The following NETO2 variants were observed in gnomAD, a reference collection of about 807,000 sequenced individuals.
NETO2 encodes neuropilin and tolloid like 2.
A neutral mutation model predicts 62.5 loss-of-function variants in NETO2; 28 were observed. The observed-to-expected ratio is 0.45, with a 90% CI of 0.33 to 0.61. The LOEUF is 0.61. NETO2 is among the 20% of genes least tolerant of loss of function. The pLI is 0.02. For synonymous variants in NETO2, 214 were observed against 219.1 expected (o/e 0.98, Z 0.21); for missense variants, 548 against 643.2 (o/e 0.85, Z 1.60).
At position 47,083,286 on chromosome 16, in the gene NETO2, G is replaced by T; in HGVS notation, c.1513C>A (p.Pro505Thr). 6.2e-7 allele frequency: 1 copy of T among 1,614,138 alleles called. No homozygotes were observed. Among genetic ancestry groups the T allele is most frequent in the Non-Finnish European group, 8.5e-7 (1 of 1,179,996 alleles). The change falls in exon 9 of 9, where the codon CCC becomes ACC. Residue 505 changes from proline (P) to threonine (T), a missense_variant. Transcript: ENST00000562435. ...CGCCCCCTGACATAAATTTCACAGGGAATCTCCTCCATTACTCGGTCTTCC... is the reference window on the plus strand; with the variant it reads ...CGCCCCCTGACATAAATTTCACAGGTAATCTCCTCCATTACTCGGTCTTCC... ...ALEDRVMEEI[P>T]CEIYVRGRED...
chr16:47,085,310 G>T (rs1339179492), intron 8 of NETO2, among the ~76,000 whole-genome samples: 1 of 151,878 alleles, frequency 6.6e-6, no homozygotes, highest in East Asian at 1.9e-4. Context: ...ATTAAATAAG[G>T]TATGTTTACA....
At chr16:47,092,186 A>C (rs893736870) in intron 7 of NETO2, among the ~76,000 whole-genome samples, 7 of 152,158 alleles carry the variant, frequency 4.6e-5, no homozygotes, top group African/African-American at 1.7e-4. Flanking sequence ...AGGCATACTC[A>C]GAATGCCCCT....
intron 7 of NETO2, among the ~76,000 whole-genome samples, chr16:47,095,798 C>T (rs1231989502): frequency 1.3e-5 from 2 of 152,158 alleles, no homozygotes; most frequent in African/African-American, 2.4e-5. Context: ...CTGAACACCA[C>T]TATAGACCAA....
Position 47,129,214 on chromosome 16 carries a change from G to T in NETO2, c.232+10C>A. The T allele has an allele frequency of 1.2e-6, 2 of 1,612,624 alleles. No homozygotes were observed. The highest frequency in any genetic ancestry group is 1.7e-6 in the Non-Finnish European group (2 of 1,179,068). ...AAAAATTCATCCAATAAAAGAAATCGTTCAAATACCTTCCAAAATGTAGAT... is the reference window on the plus strand; with the variant it reads ...AAAAATTCATCCAATAAAAGAAATCTTTCAAATACCTTCCAAAATGTAGAT... On this transcript the variant is annotated intron_variant, in intron 3 of 8. Coordinates refer to ENST00000562435, the MANE Select transcript of NETO2 (RefSeq NM_018092.5).
At chr16:47,119,368 G>T (rs1213834257) in intron 6 of NETO2, among the ~76,000 whole-genome samples, 1 of 151,832 alleles carries the variant, frequency 6.6e-6, no homozygotes, top group African/African-American at 2.4e-5. Flanking sequence ...AGCCAGGATG[G>T]TCTTGATTTC....
intron 6 of NETO2, among the ~76,000 whole-genome samples, chr16:47,118,986 G>C (rs185512974): frequency 2.2e-4 from 33 of 151,926 alleles, no homozygotes; most frequent in Non-Finnish European, 3.7e-4. Flanking sequence ...ATAGGTTCTT[G>C]TTTTTTCTTT....
At chr16:47,128,896 TGAAAA>T (rs1964210056) in intron 3 of NETO2, among the ~76,000 whole-genome samples, 1 of 152,038 alleles carries the variant, frequency 6.6e-6, no homozygotes, top group African/African-American at 2.4e-5. Context: ...ACAGAAGAAA[TGAAAA>T]GAACTCACTT....
At chr16:47,120,747 T>A (rs1191400018) in intron 6 of NETO2, among the ~76,000 whole-genome samples, 1 of 152,218 alleles carries the variant, frequency 6.6e-6, no homozygotes, top group Non-Finnish European at 1.5e-5. Context: ...CTGGTGTCAA[T>A]CTTAATAGCA....
chr16:47,134,744 G>A (rs1316808165), intron 1 of NETO2, among the ~76,000 whole-genome samples: 1 of 152,128 alleles, frequency 6.6e-6, no homozygotes, highest in Non-Finnish European at 1.5e-5. Flanking sequence ...AGACAGCAAC[G>A]GCAACTATGG....
At position 47,090,116 on chromosome 16, in the gene NETO2, C is replaced by A. The variant is rs374591598; in HGVS notation, c.884-3777G>T. ...ATCTACAGAACATCATGTGACCCCC[C>A]CCTTTGATGGCTCTTTATAACTTCA... On this transcript the variant is annotated intron_variant, in intron 7 of 8. Transcript: ENST00000562435. Among the ~76,000 whole-genome samples the A allele has an allele frequency of 1.7e-3, 256 of 152,254 alleles. 1 individual carries two copies. Among genetic ancestry groups the A allele is most frequent in the Non-Finnish European group, 2.5e-3 (168 of 68,008 alleles).
chr16:47,083,476 C>A lies in NETO2; in HGVS notation c.1323G>T (p.Gly441=). ...ASRCIHDHHC[G]SQASSVKQSR... is the part of the protein sequence containing the mutation. ...TTTGTTTGACGCTGGAGGCCTGCGACCCACAGTGGTGGTCGTGGATGCAGC... is the reference window on the plus strand; with the variant it reads ...TTTGTTTGACGCTGGAGGCCTGCGAACCACAGTGGTGGTCGTGGATGCAGC... Residue 441 remains glycine, a synonymous_variant, in exon 9 of 9, where the codon GGG becomes GGT. Coordinates refer to ENST00000562435, the MANE Select transcript of NETO2 (RefSeq NM_018092.5). The A allele has an allele frequency of 6.2e-7, 1 of 1,614,218 alleles. No individual in the cohort carries two copies. The highest frequency in any genetic ancestry group is 8.5e-7 in the Non-Finnish European group (1 of 1,180,026).
intron 3 of NETO2, 105 bp from the exon 4 acceptor site, chr16:47,128,678 T>C (rs573025396): frequency 1.2e-4 from 147 of 1,224,610 alleles, no homozygotes; most frequent in Middle Eastern, 2.8e-4. Context: ...AACTGCTTCA[T>C]AGACAAAGGT....
chr16:47,096,500 GT>G (rs1963430205), intron 7 of NETO2, among the ~76,000 whole-genome samples: 1 of 152,098 alleles, frequency 6.6e-6, no homozygotes, highest in Non-Finnish European at 1.5e-5. Context: ...AGAATCATAA[GT>G]GAATACTAAG....
chr16:47,136,468 C>T (rs1964363214), intron 1 of NETO2, among the ~76,000 whole-genome samples: 1 of 152,158 alleles, frequency 6.6e-6, no homozygotes, highest in African/African-American at 2.4e-5. Flanking sequence ...AGTGCAGTGG[C>T]GTGATTTTGG....
intron 6 of NETO2, among the ~76,000 whole-genome samples, chr16:47,110,113 TA>T (rs1163230082): frequency 1.3e-5 from 2 of 152,198 alleles, no homozygotes; most frequent in African/African-American, 4.8e-5. Flanking sequence ...TTCTGCACAT[TA>T]AAAAAACCTG....
intron 7 of NETO2, among the ~76,000 whole-genome samples, chr16:47,088,176 C>T (rs935475893): frequency 1.3e-5 from 2 of 152,240 alleles, no homozygotes; most frequent in South Asian, 2.1e-4. Flanking sequence ...ATGATCGCAG[C>T]TCACTGCAAC....
chr16:47,138,327 G>A (rs1402950891), intron 1 of NETO2, among the ~76,000 whole-genome samples: 2 of 152,192 alleles, frequency 1.3e-5, no homozygotes, highest in Non-Finnish European at 2.9e-5. Flanking sequence ...TTGAACCTGG[G>A]AGGCAGAGGT....
At chr16:47,124,575 T>C (rs966831734) in intron 4 of NETO2, among the ~76,000 whole-genome samples, 1 of 152,214 alleles carries the variant, frequency 6.6e-6, no homozygotes, top group Non-Finnish European at 1.5e-5. Flanking sequence ...GCCTATTTAT[T>C]TTGACATGTG....
rs1037674903 is a variant in NETO2, at chr16:47,143,648, G to A, written c.-36C>T. ...TGCCCGGCGCTTCGCGAAGGGCTGAGGTAGCGGCGGCGGTGGCTCGGCGCT... is the reference window on the plus strand; with the variant it reads ...TGCCCGGCGCTTCGCGAAGGGCTGAAGTAGCGGCGGCGGTGGCTCGGCGCT... On this transcript the variant is annotated 5_prime_UTR_variant, in exon 1 of 9. Coordinates refer to ENST00000562435, the MANE Select transcript of NETO2 (RefSeq NM_018092.5). 2.6e-4 allele frequency: 318 copies of A among 1,219,366 alleles called. No homozygotes were observed. The highest frequency in any genetic ancestry group is 3.1e-4 in the Non-Finnish European group (300 of 977,442). 75.5% of individuals were successfully genotyped at this position (1,219,366 alleles called of 1,614,324 possible).
Sources: allele counts gnomAD v4.1 joint callset (sites outside exome capture counted in the v4.1 genomes callset), GRCh38; gene constraint gnomAD v4.1.1; transcripts MANE v1.5; gene names NCBI Gene and HGNC (gene_info 2026-07-23, HGNC 2026-07-21).